Variants in ZNF540 observed in about 807,000 individuals in gnomAD.
ZNF540 encodes the protein CTD-3064H18.6.
ZNF540 carries 3 observed loss-of-function variants against 11.8 expected under a neutral mutation model. The ratio of observed to expected loss-of-function variants is 0.25; its 90% confidence interval spans 0.12 to 0.65. ZNF540 has a LOEUF of 0.65. Ranked by LOEUF, ZNF540 falls within the 30% of genes least tolerant of loss-of-function variation. ZNF540 has a pLI of 0.83. For missense variants in ZNF540, 709 were observed against 793.1 expected (o/e 0.89, Z 1.27); for synonymous variants, 247 against 259.0 (o/e 0.95, Z 0.45).
intron 1 of ZNF540, chr19:37,555,951 G>A (rs2147136892): frequency 1.4e-6 from 1 of 700,972 alleles, no homozygotes; most frequent in South Asian, 1.5e-5. Context: ...TGTCCAATCA[G>A]GGCAGAAAAA....
chr19:37,612,992 A>G lies in ZNF540; in HGVS notation c.1712A>G (p.Lys571Arg). 6.2e-7 allele frequency: 1 copy of G among 1,614,166 alleles called. No homozygotes were observed. The highest frequency in any genetic ancestry group is 8.5e-7 in the Non-Finnish European group (1 of 1,180,012). The change falls in exon 5 of 5, where the codon AAA becomes AGA. Residue 571 changes from lysine to arginine, a missense_variant. Physicochemically the swap from Lys to Arg is conservative, Grantham distance 26 (BLOSUM62 2). Coordinates refer to ENST00000316433, the MANE Select transcript of ZNF540 (RefSeq NM_001172225.3). Reference sequence around the variant, plus strand: ...CGTGGGCAGTTCACTGAACATCAGAAAATTCATACGGGTGTAAAACCATAC... The same window carrying G: ...CGTGGGCAGTTCACTGAACATCAGAGAATTCATACGGGTGTAAAACCATAC... ...SRRGQFTEHQ[K>R]IHTGVKPYKC...
At chr19:37,599,587 C>A in intron 2 of ZNF540, 39 bp from the exon 3 acceptor site, 1 of 1,612,740 alleles carries the variant, frequency 6.2e-7, no homozygotes, top group Non-Finnish European at 8.5e-7. Flanking sequence ...AATACTTGTT[C>A]TGTAATTTCA....
At chr19:37,558,093 C>G (rs1392156629) in intron 1 of ZNF540, among the ~76,000 whole-genome samples, 1 of 152,156 alleles carries the variant, frequency 6.6e-6, no homozygotes, top group Non-Finnish European at 1.5e-5. Flanking sequence ...ATGCCTTTTT[C>G]AGGTTTCAAA....
chr19:37,566,387 G>A (rs2042861226), intron 1 of ZNF540: 2 of 1,364,878 alleles, frequency 1.5e-6, no homozygotes, highest in Non-Finnish European at 2.0e-6. Flanking sequence ...TTCTCATTAA[G>A]AATAGAATGG....
intron 1 of ZNF540, 143 bp from the exon 2 acceptor site, chr19:37,598,229 GGTGA>G (rs1287418397): frequency 5.3e-6 from 3 of 565,458 alleles, no homozygotes; most frequent in African/African-American, 1.9e-5. Flanking sequence ...CCCTTGCTGT[GGTGA>G]GTGTGTCGGA....
chr19:37,579,659 T>C (rs1163101768), intron 1 of ZNF540, among the ~76,000 whole-genome samples: 1 of 152,096 alleles, frequency 6.6e-6, no homozygotes. Flanking sequence ...TTTGCAGGTG[T>C]TTCATCAATT....
In ZNF540 at chr19:37,613,000, A is replaced by G; in HGVS notation, c.1720A>G (p.Thr574Ala). The change falls in exon 5 of 5, where the codon ACG becomes GCG. Residue 574 changes from threonine to alanine, a missense_variant. Physicochemically the swap from Thr to Ala is moderately conservative, Grantham distance 58 (BLOSUM62 0). Coordinates refer to ENST00000316433, the MANE Select transcript of ZNF540 (RefSeq NM_001172225.3). ...GQFTEHQKIH[T>A]GVKPYKCKEC... ...GTTCACTGAACATCAGAAAATTCAT[A>G]CGGGTGTAAAACCATACAAATGTAA... The G allele has an allele frequency of 6.2e-7, 1 of 1,614,170 alleles. No homozygotes were observed. Among genetic ancestry groups the G allele is most frequent in the Non-Finnish European group, 8.5e-7 (1 of 1,180,002 alleles).
At chr19:37,554,111 G>A (rs1297383333) in intron 1 of ZNF540, among the ~76,000 whole-genome samples, 1 of 152,178 alleles carries the variant, frequency 6.6e-6, no homozygotes, top group Non-Finnish European at 1.5e-5. Context: ...AGTGAGCATA[G>A]TAGCTGACAG....
upstream of ZNF540, among the ~76,000 whole-genome samples, chr19:37,591,197 C>T (rs577391635): frequency 1.3e-5 from 2 of 152,124 alleles, 1 homozygote; most frequent in South Asian, 4.1e-4. Context: ...CACTGTATAC[C>T]ACAAGAGGAA....
chr19:37,570,959 C>T (rs538172331), intron 1 of ZNF540, among the ~76,000 whole-genome samples: 2 of 152,158 alleles, frequency 1.3e-5, no homozygotes, highest in Non-Finnish European at 2.9e-5. Context: ...TGGTGTAATA[C>T]AAATTACTCT....
chr19:37,600,997 T>G lies in ZNF540; in HGVS notation c.137-13T>G. 6.4e-7 allele frequency: 1 copy of G among 1,555,674 alleles called. No homozygotes were observed. Among genetic ancestry groups the G allele is most frequent in the Non-Finnish European group, 8.7e-7 (1 of 1,148,714 alleles). On this transcript the variant is annotated splice_polypyrimidine_tract_variant and intron_variant, in intron 3 of 4. Transcript: ENST00000316433. ...TATTTCTATATATTCTTTTATTTCT[T>G]TCTTGTAAGCAGGATATTCTGGCTC...
intron 1 of ZNF540, among the ~76,000 whole-genome samples, chr19:37,588,664 T>C (rs1013887791): frequency 2.6e-5 from 4 of 152,116 alleles, no homozygotes. Context: ...TCACACAATA[T>C]GCCATATAAC....
intron 4 of ZNF540, among the ~76,000 whole-genome samples, chr19:37,605,387 T>G (rs1824796): frequency 1.3e-5 from 2 of 151,816 alleles, no homozygotes; most frequent in African/African-American, 2.4e-5. Flanking sequence ...CGGTGGCTCA[T>G]GCCTGTAATC....
At chr19:37,584,375 C>G (rs1226779805) in intron 1 of ZNF540, among the ~76,000 whole-genome samples, 2 of 152,166 alleles carry the variant, frequency 1.3e-5, no homozygotes, top group Non-Finnish European at 2.9e-5. Context: ...CAAGCGTTTT[C>G]TTCACAACAG....
At chr19:37,557,884 A>G (rs2147138742) in intron 1 of ZNF540, among the ~76,000 whole-genome samples, 1 of 151,566 alleles carries the variant, frequency 6.6e-6, no homozygotes, top group East Asian at 1.9e-4. Context: ...GGCTTGCTGT[A>G]GCGGCTACTG....
chr19:37,599,722 T>C lies in ZNF540; in HGVS notation c.106T>C (p.Leu36=). 1 of 1,611,470 alleles carries C rather than the reference T, an allele frequency of 6.2e-7. No homozygotes were observed. Among genetic ancestry groups the C allele is most frequent in the Non-Finnish European group, 8.5e-7 (1 of 1,178,624 alleles). ...GAGGAAATTGTACAGAGATGTGATG[T>C]TGGAGAATTATAATAACTTGGTCTC... The part of the protein sequence containing the change: ...TQRKLYRDVM[L]ENYNNLVSLG... Residue 36 remains leucine (L), a synonymous_variant, in exon 3 of 5, where the codon TTG becomes CTG. Coordinates refer to ENST00000316433, the MANE Select transcript of ZNF540 (RefSeq NM_001172225.3).
At chr19:37,566,106 T>C (rs774576167) in intron 1 of ZNF540, 5 of 1,614,060 alleles carry the variant, frequency 3.1e-6, no homozygotes, top group South Asian at 1.1e-5. Context: ...TTGACACACA[T>C]GTAAAGCCCT....
intron 1 of ZNF540, among the ~76,000 whole-genome samples, chr19:37,579,462 G>A (rs529683775): frequency 2.0e-5 from 3 of 152,300 alleles, no homozygotes; most frequent in South Asian, 2.1e-4. Context: ...CTGTGACATC[G>A]GAAAACAGGT....
chr19:37,612,311 G>A lies in ZNF540; in HGVS notation c.1031G>A (p.Arg344His), dbSNP rs201712803. The change falls in exon 5 of 5, where the codon CGT (arginine) becomes CAT (histidine). Residue 344 changes from arginine (R) to histidine (H), a missense_variant. Physicochemically the swap from Arg to His is conservative, Grantham distance 29. Coordinates refer to ENST00000316433, the MANE Select transcript of ZNF540 (RefSeq NM_001172225.3). ...KAFSVCGQLTRHQKIHTGVKP... is the reference protein window; with the variant it reads ...KAFSVCGQLTHHQKIHTGVKP... ...TTTAGTGTATGCGGACAACTTACCC[G>A]TCATCAGAAAATTCATACTGGTGTA... is the stretch of plus-strand genomic sequence containing the variant. 1.7e-5 allele frequency: 27 copies of A among 1,613,662 alleles called. No individual in the cohort carries two copies. In the East Asian group the frequency reaches 2.2e-4, roughly 13 times the overall value.
Sources: gnomAD v4.1 joint callset for allele counts (sites outside exome capture counted in the v4.1 genomes callset) on GRCh38, gnomAD v4.1.1 for gene constraint, MANE v1.5 for transcripts, NCBI Gene and HGNC (gene_info 2026-07-23, HGNC 2026-07-21) for gene names.